IQSEC3: variants seen among roughly 807,000 people sequenced by gnomAD.
IQSEC3 encodes IQ motif and Sec7 domain ArfGEF 3.
In IQSEC3, 50 loss-of-function variants were observed where a neutral mutation model predicts 105.4. The ratio of observed to expected loss-of-function variants is 0.47; its 90% CI spans 0.38 to 0.60. The LOEUF (loss-of-function observed/expected upper bound fraction) is 0.60. Ranked by LOEUF, IQSEC3 falls within the 20% of genes least tolerant of loss-of-function variation. The pLI is 0.00. For synonymous variants in IQSEC3, 708 were observed against 746.0 expected (o/e 0.95, Z 0.83); for missense variants, 1,415 against 1,630.0 (o/e 0.87, Z 2.27).
intron 2 of IQSEC3, among the ~76,000 whole-genome samples, chr12:113,536 G>C (rs1160797344): frequency 6.6e-6 from 1 of 152,184 alleles, no homozygotes; most frequent in Admixed American, 6.5e-5. Context: ...CGGCCTGGTG[G>C]GATCTTGGTG....
intron 2 of IQSEC3, among the ~76,000 whole-genome samples, chr12:109,226 A>G (rs1267971460): frequency 1.3e-5 from 2 of 152,258 alleles, no homozygotes; most frequent in Non-Finnish European, 2.9e-5. Context: ...CAAAGCAGAC[A>G]GTCTGGCAAC....
chr12:150,361 G>C (rs1866457561), intron 5 of IQSEC3, among the ~76,000 whole-genome samples: 1 of 152,218 alleles, frequency 6.6e-6, no homozygotes. Context: ...ACTAGACATT[G>C]TCAAATATTT....
chr12:156,670 C>G (rs760456381), intron 5 of IQSEC3, among the ~76,000 whole-genome samples: 4 of 152,198 alleles, frequency 2.6e-5, no homozygotes, highest in African/African-American at 9.7e-5. Flanking sequence ...TCTGAAAGAA[C>G]AGAAGAATCA....
chr12:90,619 G>A (rs1214429348), intron 1 of IQSEC3, among the ~76,000 whole-genome samples: 4 of 152,076 alleles, frequency 2.6e-5, no homozygotes, highest in Non-Finnish European at 4.4e-5. Flanking sequence ...CTTTTACCAA[G>A]GGTCAATTTA....
At position 178,007 on chromosome 12, in the gene IQSEC3, C is replaced by CCA. The variant is rs1939288209; in HGVS notation, c.*2975_*2976dup. On this transcript the variant is annotated 3_prime_UTR_variant, in exon 14 of 14. Transcript: ENST00000538872. ...TGATTTGATCCATTCGGCCCCAACT[C>CCA]CAGAGTCGGGAATGGGAGATGAAAC... The CCA allele has an allele frequency of 6.6e-6, 1 of 152,320 alleles. No individual in the cohort carries two copies. The highest frequency in any genetic ancestry group is 6.5e-5 in the Admixed American group (1 of 15,284). 9.4% of individuals were successfully genotyped at this position (152,320 alleles called of 1,614,324 possible).
At position 168,998 on chromosome 12, in the gene IQSEC3, C is replaced by G; in HGVS notation, c.2972-15C>G. The G allele has an allele frequency of 6.2e-7, 1 of 1,611,796 alleles. No individual in the cohort carries two copies. Among genetic ancestry groups the G allele is most frequent in the Non-Finnish European group, 8.5e-7 (1 of 1,177,948 alleles). The stretch of plus-strand genomic sequence containing the variant: ...GTTAAGGTTTCTCTTGCTCACGGGC[C>G]TCTGCATTCCTTAGGGGAGCTGGAG... On this transcript the variant is annotated splice_polypyrimidine_tract_variant and intron_variant, in intron 11 of 13. Transcript: ENST00000538872.
chr12:172,182 A>C (rs1555100545), intron 13 of IQSEC3, among the ~76,000 whole-genome samples: 2 of 152,130 alleles, frequency 1.3e-5, no homozygotes, highest in Non-Finnish European at 2.9e-5. Flanking sequence ...GGGAAGCAGC[A>C]GGATACCCCG....
chr12:125,539 G>A (rs1865359284), intron 2 of IQSEC3, 94 bp from the exon 3 acceptor site: 2 of 1,287,764 alleles, frequency 1.6e-6, no homozygotes, highest in Non-Finnish European at 2.0e-6. Flanking sequence ...AGGAAAGGCA[G>A]GCCAGAGTGC....
intron 3 of IQSEC3, among the ~76,000 whole-genome samples, chr12:129,791 A>G (rs950161565): frequency 5.3e-5 from 8 of 152,012 alleles, no homozygotes; most frequent in South Asian, 2.1e-4. Context: ...CGGGTCCTGG[A>G]CAGAAGCCAT....
At chr12:125,512 C>G (rs1385767354) in intron 2 of IQSEC3, 121 bp from the exon 3 acceptor site, 2 of 999,384 alleles carry the variant, frequency 2.0e-6, no homozygotes, top group Admixed American at 3.6e-5. Context: ...AAAGACACCC[C>G]CTCCAGTCCT....
intron 1 of IQSEC3, among the ~76,000 whole-genome samples, chr12:70,492 G>C (rs1318151670): frequency 6.6e-6 from 1 of 152,256 alleles, no homozygotes; most frequent in Non-Finnish European, 1.5e-5. Flanking sequence ...TTCTTGCTAA[G>C]CTCTGACCCC....
At chr12:104,764 G>A (rs1175911776) in intron 2 of IQSEC3, among the ~76,000 whole-genome samples, 2 of 152,258 alleles carry the variant, frequency 1.3e-5, no homozygotes, top group African/African-American at 2.4e-5. Context: ...GCGCGCTTCC[G>A]AGAACGGCTG....
chr12:145,754 G>A (rs1051112759), intron 5 of IQSEC3, among the ~76,000 whole-genome samples: 2 of 152,280 alleles, frequency 1.3e-5, no homozygotes, highest in African/African-American at 2.4e-5. Flanking sequence ...CACATGGCTG[G>A]GGAATTTGGC....
At chr12:90,147 T>A (rs117397618) in intron 1 of IQSEC3, among the ~76,000 whole-genome samples, 33 of 152,380 alleles carry the variant, frequency 2.2e-4, no homozygotes, top group Non-Finnish European at 4.3e-4. Flanking sequence ...GTGGTTTTAA[T>A]TGGCAATTCC....
intron 12 of IQSEC3, among the ~76,000 whole-genome samples, 181 bp from the exon 13 acceptor site, chr12:170,931 T>C (rs1401086955): frequency 6.6e-6 from 1 of 152,182 alleles, no homozygotes; most frequent in Non-Finnish European, 1.5e-5. Flanking sequence ...CCCAGAGAGA[T>C]GTAGCATCTC....
At chr12:153,669 G>A (rs551776887) in intron 5 of IQSEC3, among the ~76,000 whole-genome samples, 1 of 152,196 alleles carries the variant, frequency 6.6e-6, no homozygotes. Flanking sequence ...AGGACGGCAG[G>A]TGCATAGCCA....
chr12:124,601 G>C (rs1346338751), intron 2 of IQSEC3, among the ~76,000 whole-genome samples: 1 of 152,142 alleles, frequency 6.6e-6, no homozygotes. Context: ...GCTTGAATTT[G>C]AGGCCATGGT....
In IQSEC3 at chr12:135,682, C is replaced by T. The variant is rs916280200; in HGVS notation, c.904-2585C>T. Among the ~76,000 whole-genome samples the T allele has an allele frequency of 2.6e-5, 4 of 152,184 alleles. 1 individual carries two copies. The highest frequency in any genetic ancestry group is 2.1e-4 in the South Asian group (1 of 4,820). ...GTCAGCCCTATAAATGAAGCTGAAGCCCCAGACAGACACTGTGCCGTTAGC... is the reference window on the plus strand; with the variant it reads ...GTCAGCCCTATAAATGAAGCTGAAGTCCCAGACAGACACTGTGCCGTTAGC... On this transcript the variant is annotated intron_variant, in intron 3 of 13. Transcript: ENST00000538872.
At chr12:124,762 G>A (rs569612712) in intron 2 of IQSEC3, among the ~76,000 whole-genome samples, 1 of 152,320 alleles carries the variant, frequency 6.6e-6, no homozygotes, top group South Asian at 2.1e-4. Flanking sequence ...CAAGGGAGGG[G>A]CAGAACTTGG....
Sources: allele counts gnomAD v4.1 joint callset (sites outside exome capture counted in the v4.1 genomes callset), GRCh38; gene constraint gnomAD v4.1.1; transcripts MANE v1.5; gene names NCBI Gene and HGNC (gene_info 2026-07-23, HGNC 2026-07-21).